The following BMP6 variants were observed in gnomAD, a reference collection of about 807,000 sequenced individuals.
The protein encoded by BMP6 is VG-1-R.
Under a neutral mutation model 54.1 loss-of-function variants are expected in BMP6, and 17 were observed. The observed-to-expected ratio is 0.31, with a 90% CI of 0.22 to 0.47. BMP6 has a LOEUF of 0.47. Ranked by LOEUF, BMP6 falls within the 20% of genes least tolerant of loss-of-function variation. The probability of loss-of-function intolerance (pLI) is 1.00; values close to 1 mark genes in which losing one functional copy is unlikely to be tolerated. For missense variants in BMP6, 720 were observed against 690.4 expected, an observed-to-expected ratio of 1.04 and a Z score of -0.48; for synonymous variants, 328 against 291.2, an observed-to-expected ratio of 1.13 and a Z score of -1.28.
intron 1 of BMP6, among the ~76,000 whole-genome samples, chr6:7,790,679 G>A (rs1337701626): frequency 6.6e-6 from 1 of 152,136 alleles, no homozygotes; most frequent in African/African-American, 2.4e-5. Context: ...CAGGTTGATG[G>A]TGTTGGCAGA....
chr6:7,804,382 C>T (rs919480001), intron 1 of BMP6, among the ~76,000 whole-genome samples: 3 of 152,058 alleles, frequency 2.0e-5, no homozygotes, highest in Non-Finnish European at 4.4e-5. Flanking sequence ...CTTTCACACT[C>T]CTTTCTTTCT....
intron 2 of BMP6, among the ~76,000 whole-genome samples, chr6:7,854,507 G>T (rs909176131): frequency 3.3e-5 from 5 of 152,226 alleles, no homozygotes; most frequent in African/African-American, 9.6e-5. Flanking sequence ...TGTTTAAAAG[G>T]TAGCGGGGGC....
intron 2 of BMP6, among the ~76,000 whole-genome samples, chr6:7,856,418 A>G (rs969957947): frequency 3.3e-5 from 5 of 151,998 alleles, no homozygotes; most frequent in African/African-American, 4.8e-5. Context: ...TTATTGCAGA[A>G]AGTCAGTTCC....
chr6:7,808,626 AAGTT>A, intron 1 of BMP6, among the ~76,000 whole-genome samples: 1 of 152,272 alleles, frequency 6.6e-6, no homozygotes, highest in Non-Finnish European at 1.5e-5. Context: ...TACCTTCAAA[AAGTT>A]AGGCTGGGCA....
At chr6:7,732,606 T>A (rs1386212976) in intron 1 of BMP6, among the ~76,000 whole-genome samples, 1 of 152,176 alleles carries the variant, frequency 6.6e-6, no homozygotes, top group Non-Finnish European at 1.5e-5. Flanking sequence ...CTTCAGAGAG[T>A]AACTACTTTA....
intron 2 of BMP6, among the ~76,000 whole-genome samples, chr6:7,850,173 C>T (rs562333495): frequency 1.3e-3 from 204 of 152,218 alleles, no homozygotes; most frequent in African/African-American, 4.4e-3. Context: ...GGCAGAGTCT[C>T]GCTCTGTTGC....
At chr6:7,831,689 G>A (rs1287314640) in intron 1 of BMP6, among the ~76,000 whole-genome samples, 1 of 152,212 alleles carries the variant, frequency 6.6e-6, no homozygotes, top group East Asian at 1.9e-4. Flanking sequence ...AAAGCAGTAT[G>A]TGGATGAGTA....
intron 1 of BMP6, among the ~76,000 whole-genome samples, chr6:7,812,596 T>C (rs9392178): frequency 0.38 from 57,545 of 151,958 alleles, 12,072 homozygotes; most frequent in East Asian, 0.74. Flanking sequence ...ATTAAACATA[T>C]ACACATTAAC....
chr6:7,737,442 A>C (rs546392505), intron 1 of BMP6, among the ~76,000 whole-genome samples: 357 of 152,264 alleles, frequency 2.3e-3, no homozygotes, highest in African/African-American at 8.1e-3. Context: ...AAGGCCATGC[A>C]TGGAGCAGGC....
intron 1 of BMP6, among the ~76,000 whole-genome samples, chr6:7,835,912 C>T (rs1191005409): frequency 6.6e-6 from 1 of 152,078 alleles, no homozygotes; most frequent in South Asian, 2.1e-4. Context: ...TCTCGGCTCC[C>T]TGCAACCTCT....
chr6:7,774,668 C>T (rs1161981090), intron 1 of BMP6, among the ~76,000 whole-genome samples: 1 of 152,232 alleles, frequency 6.6e-6, no homozygotes, highest in Non-Finnish European at 1.5e-5. Context: ...CAGATCGTGC[C>T]ACTGCACTCC....
At chr6:7,742,789 G>A (rs1172616042) in intron 1 of BMP6, among the ~76,000 whole-genome samples, 2 of 152,050 alleles carry the variant, frequency 1.3e-5, no homozygotes, top group African/African-American at 4.8e-5. Flanking sequence ...CAGAGTAGGC[G>A]CATACAAGAT....
intron 1 of BMP6, among the ~76,000 whole-genome samples, chr6:7,843,657 C>T (rs1442738987): frequency 6.6e-6 from 1 of 152,030 alleles, no homozygotes; most frequent in Non-Finnish European, 1.5e-5. Context: ...AACAGCAAGG[C>T]AGAAGTGTTT....
intron 1 of BMP6, among the ~76,000 whole-genome samples, chr6:7,758,241 A>G (rs1295518499): frequency 6.6e-6 from 1 of 152,182 alleles, no homozygotes; most frequent in African/African-American, 2.4e-5. Flanking sequence ...CATCTTTGTG[A>G]ATTCGTACTG....
chr6:7,843,350 T>A (rs1424454162), intron 1 of BMP6, among the ~76,000 whole-genome samples: 2 of 151,956 alleles, frequency 1.3e-5, no homozygotes, highest in Non-Finnish European at 2.9e-5. Context: ...AAAAATCTTG[T>A]ACCTATAGAT....
At chr6:7,777,419 C>T (rs1757877731) in intron 1 of BMP6, among the ~76,000 whole-genome samples, 1 of 152,194 alleles carries the variant, frequency 6.6e-6, no homozygotes, top group African/African-American at 2.4e-5. Flanking sequence ...TGAATACTTT[C>T]TTCCAAGTAT....
chr6:7,794,073 A>T (rs113620493), intron 1 of BMP6, among the ~76,000 whole-genome samples: 19 of 152,228 alleles, frequency 1.2e-4, no homozygotes, highest in African/African-American at 4.6e-4. Context: ...GCTCGTACTC[A>T]GAGGCCTGTG....
chr6:7,759,192 C>T (rs537988610), intron 1 of BMP6, among the ~76,000 whole-genome samples: 1 of 151,714 alleles, frequency 6.6e-6, no homozygotes, highest in East Asian at 1.9e-4. Flanking sequence ...TTCCTCATTA[C>T]CATATATGTA....
At position 7,727,626 on chromosome 6, in the gene BMP6, A is replaced by G; in HGVS notation, c.664+7A>G. The stretch of plus-strand genomic sequence containing the variant: ...ATGAGCTTTGTGAACCTGGGTAAGG[A>G]TTTGGGGTAACGTAATGACGAGAAC... On this transcript the variant is annotated splice_region_variant and intron_variant, in intron 1 of 6. Transcript: ENST00000283147. 6.5e-7 allele frequency: 1 copy of G among 1,536,948 alleles called. No homozygotes were observed. Among genetic ancestry groups the G allele is most frequent in the Non-Finnish European group, 8.7e-7 (1 of 1,149,906 alleles).
Sources: gnomAD v4.1 joint callset for allele counts (sites outside exome capture counted in the v4.1 genomes callset) on GRCh38, gnomAD v4.1.1 for gene constraint, MANE v1.5 for transcripts, NCBI Gene and HGNC (gene_info 2026-07-23, HGNC 2026-07-21) for gene names.